The following MIPOL1 variants were observed in gnomAD, a reference collection of about 807,000 sequenced individuals.
MIPOL1 encodes the protein mirror-image polydactyly 1.
MIPOL1 carries 57 observed loss-of-function variants against 60.9 expected under a neutral mutation model. That is an observed-to-expected ratio of 0.94 (90% CI 0.76 to 1.17). MIPOL1 has a LOEUF of 1.17. Ranked by LOEUF, MIPOL1 falls within the 50% of genes most tolerant of loss-of-function variation. The pLI is 0.00. For synonymous variants in MIPOL1, 179 were observed against 168.8 expected (o/e 1.06, Z -0.47); for missense variants, 551 against 511.6 (o/e 1.08, Z -0.74).
intron 11 of MIPOL1, among the ~76,000 whole-genome samples, chr14:37,497,356 A>G (rs1470086033): frequency 6.6e-6 from 1 of 152,252 alleles, no homozygotes; most frequent in Non-Finnish European, 1.5e-5. Flanking sequence ...TGCTTTAGGC[A>G]TGATAGGCAA....
intron 10 of MIPOL1, among the ~76,000 whole-genome samples, chr14:37,398,074 C>T (rs1399968930): frequency 6.6e-6 from 1 of 152,038 alleles, no homozygotes; most frequent in Non-Finnish European, 1.5e-5. Flanking sequence ...CTTTGGCCGC[C>T]CTCTCGTTGG....
chr14:37,422,898 A>T lies in MIPOL1; in HGVS notation c.980A>T (p.Gln327Leu). The T allele has an allele frequency of 6.2e-7, 1 of 1,609,696 alleles. No individual in the cohort carries two copies. Among genetic ancestry groups the T allele is most frequent in the Non-Finnish European group, 8.5e-7 (1 of 1,177,410 alleles). Residue 327 changes from glutamine to leucine, a missense_variant, in exon 11 of 13, where the codon CAA becomes CTA. Transcript: ENST00000684589. ...CAACAAGCCAGAGAAACTGCAGTTC[A>T]ACAGTACAAAAAACTGGAAGAGGAA... ...SMQQARETAV[Q>L]QYKKLEEEIQ...
At chr14:37,251,780 T>C (rs896308130) in intron 3 of MIPOL1, among the ~76,000 whole-genome samples, 1 of 152,042 alleles carries the variant, frequency 6.6e-6, no homozygotes. Flanking sequence ...TATTAGCAGA[T>C]ACATGGTTAA....
chr14:37,477,552 T>A (rs1201762174), intron 11 of MIPOL1, among the ~76,000 whole-genome samples: 2 of 152,128 alleles, frequency 1.3e-5, no homozygotes, highest in African/African-American at 2.4e-5. Context: ...GTCCCTGAGA[T>A]CAGTACAGAT....
chr14:37,420,553 A>G (rs967581552), intron 10 of MIPOL1, among the ~76,000 whole-genome samples: 7 of 152,208 alleles, frequency 4.6e-5, no homozygotes, highest in African/African-American at 9.6e-5. Context: ...AGGAAATACT[A>G]TAGAAGTAAA....
intron 9 of MIPOL1, among the ~76,000 whole-genome samples, chr14:37,322,705 A>G (rs1452406787): frequency 6.6e-6 from 1 of 151,834 alleles, no homozygotes; most frequent in Admixed American, 6.6e-5. Flanking sequence ...TGTGGTTTTG[A>G]TTTGCATTTC....
chr14:37,280,952 C>A (rs1398994000), intron 6 of MIPOL1, among the ~76,000 whole-genome samples: 2 of 152,134 alleles, frequency 1.3e-5, no homozygotes. Flanking sequence ...CAGATATTTT[C>A]TCCTACACTG....
chr14:37,492,343 A>G (rs1355249578), intron 11 of MIPOL1, among the ~76,000 whole-genome samples: 1 of 152,228 alleles, frequency 6.6e-6, no homozygotes, highest in African/African-American at 2.4e-5. Context: ...ATGATTTAAG[A>G]ATGTTATCAG....
At chr14:37,539,382 G>C (rs1241153061) in intron 12 of MIPOL1, among the ~76,000 whole-genome samples, 1 of 152,136 alleles carries the variant, frequency 6.6e-6, no homozygotes, top group East Asian at 1.9e-4. Context: ...AGCAGGCCCA[G>C]GTATTAGTGG....
chr14:37,216,788 AC>A (rs1180736750), intron 1 of MIPOL1, among the ~76,000 whole-genome samples: 1 of 152,218 alleles, frequency 6.6e-6, no homozygotes. Context: ...CCAAAGCAGT[AC>A]TAAGAGGGAA....
At chr14:37,424,549 T>G (rs1469821820) in intron 11 of MIPOL1, among the ~76,000 whole-genome samples, 1 of 152,218 alleles carries the variant, frequency 6.6e-6, no homozygotes, top group East Asian at 1.9e-4. Flanking sequence ...TTCTATAGTT[T>G]CCAGAACTAT....
At chr14:37,330,192 C>T (rs2089547440) in intron 9 of MIPOL1, among the ~76,000 whole-genome samples, 2 of 151,910 alleles carry the variant, frequency 1.3e-5, no homozygotes, top group Non-Finnish European at 2.9e-5. Context: ...TCTGATTATT[C>T]ATATTAAACT....
intron 10 of MIPOL1, among the ~76,000 whole-genome samples, chr14:37,382,855 CA>C (rs1459923472): frequency 6.6e-6 from 1 of 151,868 alleles, no homozygotes; most frequent in Non-Finnish European, 1.5e-5. Flanking sequence ...CTTGGAAAAT[CA>C]CTCTTGCCTA....
chr14:37,464,825 C>T (rs2094579617), intron 11 of MIPOL1, among the ~76,000 whole-genome samples: 1 of 152,072 alleles, frequency 6.6e-6, no homozygotes, highest in Non-Finnish European at 1.5e-5. Flanking sequence ...GTTTCAGTGC[C>T]AGAAAAAAAT....
chr14:37,287,627 T>A (rs2084684291), intron 7 of MIPOL1, among the ~76,000 whole-genome samples: 1 of 152,124 alleles, frequency 6.6e-6, no homozygotes, highest in South Asian at 2.1e-4. Flanking sequence ...TTAAGAGTAA[T>A]AGTCAATTGA....
At chr14:37,413,805 TA>T (rs2093718457) in intron 10 of MIPOL1, among the ~76,000 whole-genome samples, 2 of 152,178 alleles carry the variant, frequency 1.3e-5, no homozygotes, top group Non-Finnish European at 2.9e-5. Flanking sequence ...CACCTTAGTT[TA>T]AAAGGCTTTT....
At chr14:37,420,613 C>A (rs1319996510) in intron 10 of MIPOL1, among the ~76,000 whole-genome samples, 1 of 151,816 alleles carries the variant, frequency 6.6e-6, no homozygotes, top group East Asian at 1.9e-4. Context: ...CAACAGATAC[C>A]CAACTCAGAC....
chr14:37,296,621 A>T (rs1325414537), intron 7 of MIPOL1, among the ~76,000 whole-genome samples: 1 of 152,222 alleles, frequency 6.6e-6, no homozygotes, highest in Non-Finnish European at 1.5e-5. Context: ...GGCAAAGGGG[A>T]TATCACCACT....
intron 12 of MIPOL1, among the ~76,000 whole-genome samples, chr14:37,539,872 C>T (rs548043021): frequency 2.0e-5 from 3 of 152,218 alleles, no homozygotes; most frequent in African/African-American, 7.2e-5. Flanking sequence ...AATTGTAGTT[C>T]CCATAATCCC....
Sources: allele counts gnomAD v4.1 joint callset (sites outside exome capture counted in the v4.1 genomes callset), GRCh38; gene constraint gnomAD v4.1.1; transcripts MANE v1.5; gene names NCBI Gene and HGNC (gene_info 2026-07-23, HGNC 2026-07-21).